The following CBFA2T3 variants were observed in gnomAD, a reference collection of about 807,000 sequenced individuals.
CBFA2T3 encodes the protein CBFA2/RUNX1 partner transcriptional co-repressor 3, also known as transcriptional corepressor CBFA2T3.
In CBFA2T3, 31 loss-of-function variants were observed where a neutral mutation model predicts 58.6. The ratio of observed to expected loss-of-function variants is 0.53; its 90% confidence interval spans 0.40 to 0.71. The LOEUF (loss-of-function observed/expected upper bound fraction) is 0.71, where lower values mean the gene tolerates loss of function less well. Ranked by LOEUF, CBFA2T3 falls within the 30% of genes least tolerant of loss-of-function variation. The probability of loss-of-function intolerance (pLI) is 0.00; values close to 1 mark genes in which losing one functional copy is unlikely to be tolerated. For synonymous variants in CBFA2T3, 531 were observed against 421.9 expected, an observed-to-expected ratio of 1.26 and a Z score of -3.17; for missense variants, 1,076 against 963.1, an observed-to-expected ratio of 1.12 and a Z score of -1.55.
intron 1 of CBFA2T3, among the ~76,000 whole-genome samples, chr16:88,926,961 TG>T (rs879754714): frequency 1.4e-4 from 21 of 152,114 alleles, no homozygotes; most frequent in Non-Finnish European, 2.4e-4. Flanking sequence ...TCACTGGTCC[TG>T]GAGGTGGCGG....
intron 5 of CBFA2T3, among the ~76,000 whole-genome samples, chr16:88,889,296 G>A (rs1969526345): frequency 7.0e-6 from 1 of 141,928 alleles, no homozygotes; most frequent in Admixed American, 7.1e-5. Context: ...CGGGAGGAGG[G>A]ATGGAGCGAT....
chr16:88,973,865 A>G (rs574459171), intron 1 of CBFA2T3, among the ~76,000 whole-genome samples: 3 of 151,984 alleles, frequency 2.0e-5, no homozygotes, highest in East Asian at 3.9e-4. Flanking sequence ...GCATCTGCCC[A>G]GTCCCCATAA....
At chr16:88,903,668 G>GC (rs1335073305) in intron 1 of CBFA2T3, among the ~76,000 whole-genome samples, 1 of 132,790 alleles carries the variant, frequency 7.5e-6, no homozygotes, top group Non-Finnish European at 1.6e-5. Context: ...CTGGGGGGGG[G>GC]GGCGTTCCTG....
intron 1 of CBFA2T3, among the ~76,000 whole-genome samples, chr16:88,962,266 T>C (rs1972384574): frequency 6.6e-6 from 1 of 152,270 alleles, no homozygotes; most frequent in Non-Finnish European, 1.5e-5. Context: ...TCCCACTCCA[T>C]AGTAACTGAT....
chr16:88,904,975 GCTGCCCCTGGCA>G (rs1970250348), intron 1 of CBFA2T3, among the ~76,000 whole-genome samples: 1 of 152,166 alleles, frequency 6.6e-6, no homozygotes, highest in Non-Finnish European at 1.5e-5. Flanking sequence ...TGCTCCTGGC[GCTGCCCCTGGCA>G]CAGACTCTAC....
At chr16:88,906,848 A>T (rs1288836706) in intron 1 of CBFA2T3, among the ~76,000 whole-genome samples, 1 of 152,226 alleles carries the variant, frequency 6.6e-6, no homozygotes, top group African/African-American at 2.4e-5. Context: ...GATGCCAGCC[A>T]GCCTGGACCC....
chr16:88,889,393 G>A (rs1006706997), intron 5 of CBFA2T3, among the ~76,000 whole-genome samples: 1 of 137,802 alleles, frequency 7.3e-6, no homozygotes, highest in Non-Finnish European at 1.6e-5. Flanking sequence ...GGAAAAAGCA[G>A]AGGAGGCAGG....
intron 1 of CBFA2T3, among the ~76,000 whole-genome samples, chr16:88,949,474 A>G (rs532982475): frequency 1.5e-4 from 23 of 151,824 alleles, no homozygotes; most frequent in Non-Finnish European, 2.6e-4. Context: ...CAGGAGAATC[A>G]CTTGAACCCG....
intron 1 of CBFA2T3, among the ~76,000 whole-genome samples, chr16:88,944,225 T>C (rs1388784446): frequency 6.7e-6 from 1 of 150,020 alleles, no homozygotes; most frequent in Non-Finnish European, 1.5e-5. Context: ...TAGTCCCAGC[T>C]ACTCGGGAGG....
At chr16:88,942,324 CT>C (rs1194677538) in intron 1 of CBFA2T3, among the ~76,000 whole-genome samples, 6 of 152,198 alleles carry the variant, frequency 3.9e-5, no homozygotes, top group Non-Finnish European at 8.8e-5. Context: ...ACACAAGCGG[CT>C]GGGGGGCCCA....
At chr16:88,919,932 T>C (rs1438924762) in intron 1 of CBFA2T3, among the ~76,000 whole-genome samples, 1 of 152,160 alleles carries the variant, frequency 6.6e-6, no homozygotes, top group African/African-American at 2.4e-5. Context: ...GGAAGCAGCA[T>C]GAGAATTGAT....
intron 1 of CBFA2T3, among the ~76,000 whole-genome samples, chr16:88,975,285 T>G (rs1435157988): frequency 1.5e-5 from 2 of 129,590 alleles, no homozygotes; most frequent in Non-Finnish European, 3.5e-5. Context: ...CAGCAGCCCC[T>G]CGCATGACTC....
At chr16:88,972,513 A>T (rs1353542621) in intron 1 of CBFA2T3, among the ~76,000 whole-genome samples, 1 of 152,056 alleles carries the variant, frequency 6.6e-6, no homozygotes. Context: ...CTGTCCATGC[A>T]CTGGCAGCCC....
rs1968831129 is a variant in CBFA2T3 at position 88,876,462 on chromosome 16, C to T, written c.*514G>A. 8.6e-6 allele frequency: 2 copies of T among 231,944 alleles called. No individual in the cohort carries two copies. 14.4% of individuals were successfully genotyped at this position (231,944 alleles called of 1,614,324 possible). On this transcript the variant is annotated 3_prime_UTR_variant, in exon 12 of 12. Coordinates refer to ENST00000268679, the MANE Select transcript of CBFA2T3 (RefSeq NM_005187.6). The stretch of plus-strand genomic sequence containing the variant: ...TTTTTAATCAGGAGGGGGAGAACCC[C>T]CCCGTTTTCTTTGTCCATTTCTGAG...
intron 2 of CBFA2T3, among the ~76,000 whole-genome samples, chr16:88,898,429 C>T (rs180743773): frequency 2.6e-5 from 4 of 152,360 alleles, no homozygotes; most frequent in African/African-American, 9.6e-5. Context: ...GGCTCTGTCA[C>T]CACCTGGGGC....
At chr16:88,892,066 G>C (rs1209881674) in intron 4 of CBFA2T3, 95 bp from the exon 5 acceptor site, 18 of 1,358,398 alleles carry the variant, frequency 1.3e-5, no homozygotes, top group Non-Finnish European at 1.9e-5. Context: ...CCGTGTTGGA[G>C]GCAGGCAGGC....
At chr16:88,915,183 G>A (rs1042160305) in intron 1 of CBFA2T3, among the ~76,000 whole-genome samples, 2 of 128,366 alleles carry the variant, frequency 1.6e-5, no homozygotes, top group Non-Finnish European at 3.3e-5. Context: ...TGGGGGTGCC[G>A]CCAGGTGGTG....
At chr16:88,880,398 C>A (rs1969018931) in intron 10 of CBFA2T3, among the ~76,000 whole-genome samples, 1 of 152,248 alleles carries the variant, frequency 6.6e-6, no homozygotes. Flanking sequence ...TCTGCCCGGA[C>A]TCTGGCCCCG....
In CBFA2T3 at chr16:88,875,263, G is replaced by C; in HGVS notation, c.*1713C>G. 8.6e-6 allele frequency: 2 copies of C among 233,528 alleles called. No individual in the cohort carries two copies. The highest frequency in any genetic ancestry group is 1.7e-5 in the Non-Finnish European group (2 of 118,142). 14.5% of individuals were successfully genotyped at this position (233,528 alleles called of 1,614,324 possible). ...GTGCCTGCTGTCTGTCCTTGTACTC[G>C]GTGCAAGCATGAATTTCTTTATCCC... On this transcript the variant is annotated 3_prime_UTR_variant, in exon 12 of 12. Transcript: ENST00000268679.
Sources: gnomAD v4.1 joint callset for allele counts (sites outside exome capture counted in the v4.1 genomes callset) on GRCh38, gnomAD v4.1.1 for gene constraint, MANE v1.5 for transcripts, NCBI Gene and HGNC (gene_info 2026-07-23, HGNC 2026-07-21) for gene names.